SAMMSON: variants seen among roughly 807,000 people sequenced by gnomAD.
The protein encoded by SAMMSON is survival associated mitochondrial melanoma specific oncogenic non-coding RNA.
At chr3:70,341,225 G>A (rs1177303417) in intron 7 of SAMMSON, among the ~76,000 whole-genome samples, 1 of 152,042 alleles carries the variant, frequency 6.6e-6, no homozygotes, top group Non-Finnish European at 1.5e-5. Context: ...GCCCTGCTAT[G>A]ATTCCATAAT....
intron 2 of SAMMSON, among the ~76,000 whole-genome samples, chr3:70,415,467 T>C (rs900386849): frequency 1.3e-5 from 2 of 152,118 alleles, no homozygotes; most frequent in African/African-American, 4.8e-5. Context: ...TGATGTTTAT[T>C]ACATAGGTGA....
At chr3:70,363,171 A>C (rs953202752) in intron 9 of SAMMSON, among the ~76,000 whole-genome samples, 1 of 152,098 alleles carries the variant, frequency 6.6e-6, no homozygotes, top group African/African-American at 2.4e-5. Context: ...GCAGAGAAGG[A>C]ATATACCTCA....
At chr3:70,128,389 G>A (rs2067467891) in intron 4 of SAMMSON, among the ~76,000 whole-genome samples, 1 of 152,160 alleles carries the variant, frequency 6.6e-6, no homozygotes, top group Admixed American at 6.5e-5. Flanking sequence ...TGAGTTTTGA[G>A]GTTAAATATA....
At chr3:70,054,907 G>T (rs951149706) in intron 3 of SAMMSON, among the ~76,000 whole-genome samples, 1 of 152,004 alleles carries the variant, frequency 6.6e-6, no homozygotes, top group Non-Finnish European at 1.5e-5. Flanking sequence ...TAGACTTCTG[G>T]CTGAAATATC....
intron 4 of SAMMSON, among the ~76,000 whole-genome samples, chr3:70,152,441 G>C (rs943727176): frequency 5.9e-5 from 9 of 152,028 alleles, no homozygotes; most frequent in Non-Finnish European, 8.8e-5. Context: ...CTAATCAAAA[G>C]TGACAGTGGG....
chr3:70,202,072 T>C (rs1175508842), intron 4 of SAMMSON, among the ~76,000 whole-genome samples: 2 of 152,196 alleles, frequency 1.3e-5, no homozygotes, highest in African/African-American at 4.8e-5. Flanking sequence ...TGACTAGTGG[T>C]CTATCTGATA....
chr3:70,415,667 C>G (rs1181575485), intron 2 of SAMMSON, among the ~76,000 whole-genome samples: 1 of 152,130 alleles, frequency 6.6e-6, no homozygotes, highest in Non-Finnish European at 1.5e-5. Context: ...ATCTCCTAAT[C>G]AAATTTCAAA....
intron 4 of SAMMSON, among the ~76,000 whole-genome samples, chr3:70,200,687 G>A (rs1377813940): frequency 2.0e-5 from 3 of 152,106 alleles, no homozygotes; most frequent in Admixed American, 1.3e-4. Context: ...TAGAATCTAC[G>A]TTGCAAGAGG....
intron 9 of SAMMSON, among the ~76,000 whole-genome samples, chr3:70,360,649 A>T (rs184888179): frequency 6.7e-4 from 102 of 152,286 alleles, no homozygotes; most frequent in African/African-American, 2.4e-3. Flanking sequence ...TTGATTTAAC[A>T]TTGTGAGTGT....
chr3:70,197,233 T>C (rs1190992788), intron 4 of SAMMSON: 3 of 398,144 alleles, frequency 7.5e-6, no homozygotes, highest in Non-Finnish European at 1.3e-5. Context: ...TGGGGGCGTC[T>C]ATGAAGGACA....
intron 2 of SAMMSON, among the ~76,000 whole-genome samples, chr3:70,419,252 C>T (rs1173071632): frequency 2.0e-5 from 3 of 151,796 alleles, no homozygotes; most frequent in East Asian, 1.9e-4. Context: ...AGGCTGGTCT[C>T]GAACTCCTGG....
intron 4 of SAMMSON, among the ~76,000 whole-genome samples, chr3:70,238,247 T>G (rs1006359296): frequency 6.6e-6 from 1 of 151,896 alleles, no homozygotes; most frequent in Admixed American, 6.6e-5. Flanking sequence ...AGTTCTCTCC[T>G]TCTATGTAAG....
At chr3:70,138,298 C>G (rs2106678894) in intron 4 of SAMMSON, among the ~76,000 whole-genome samples, 1 of 152,312 alleles carries the variant, frequency 6.6e-6, no homozygotes, top group East Asian at 1.9e-4. Context: ...TATCATAAAA[C>G]TGGATAATGT....
intron 7 of SAMMSON, among the ~76,000 whole-genome samples, chr3:70,321,096 G>A (rs1702535504): frequency 6.6e-6 from 1 of 151,964 alleles, no homozygotes; most frequent in Non-Finnish European, 1.5e-5. Context: ...AAGTATAATT[G>A]GAGTAGAAAT....
chr3:70,015,727 C>T lies in SAMMSON; in HGVS notation n.417+2055C>T, dbSNP rs552528211. Among the ~76,000 whole-genome samples, 44 of 151,662 alleles carry T rather than the reference C, an allele frequency of 2.9e-4. 1 individual carries two copies. Among genetic ancestry groups the T allele is most frequent in the African/African-American group, 8.8e-4 (36 of 41,002 alleles). On this transcript the variant is annotated intron_variant and non_coding_transcript_variant, in intron 3 of 9. Coordinates refer to ENST00000642114, the Ensembl canonical transcript of SAMMSON. ...TATCCCTCCCCGCTTCCCCACCCCA[C>T]GACAGGCCCCGGTGTGTGATGTTCC...
downstream of SAMMSON, among the ~76,000 whole-genome samples, chr3:70,391,741 C>A (rs1452423713): frequency 6.6e-6 from 1 of 152,082 alleles, no homozygotes; most frequent in Non-Finnish European, 1.5e-5. Flanking sequence ...AAACAAAATG[C>A]ATCTGTTGAA....
chr3:70,114,179 G>A (rs2067400706), intron 4 of SAMMSON, among the ~76,000 whole-genome samples: 1 of 152,172 alleles, frequency 6.6e-6, no homozygotes, highest in African/African-American at 2.4e-5. Flanking sequence ...AGTAGCCTCT[G>A]ATTCACATGA....
intron 4 of SAMMSON, among the ~76,000 whole-genome samples, chr3:70,092,902 GT>G (rs5849939): frequency 2.3e-4 from 32 of 138,154 alleles, no homozygotes; most frequent in East Asian, 8.4e-4. Context: ...TAGTGTTTTT[GT>G]TTTTTTTTTT....
At chr3:70,079,094 C>G (rs1488833504) in intron 4 of SAMMSON, among the ~76,000 whole-genome samples, 3 of 152,138 alleles carry the variant, frequency 2.0e-5, no homozygotes, top group African/African-American at 7.2e-5. Context: ...TATTTACTCT[C>G]TGGCCATTTA....
Sources: allele counts gnomAD v4.1 joint callset (sites outside exome capture counted in the v4.1 genomes callset), GRCh38; gene constraint gnomAD v4.1.1; transcripts MANE v1.5; gene names NCBI Gene and HGNC (gene_info 2026-07-23, HGNC 2026-07-21).